Variants in DLGAP1 observed in about 807,000 individuals in gnomAD.
DLGAP1 encodes DLG associated protein 1, also known as disks large-associated protein 1.
In DLGAP1, 11 loss-of-function variants were observed where a neutral mutation model predicts 90.8. The observed-to-expected ratio is 0.12, with a 90% confidence interval of 0.08 to 0.20. The LOEUF (loss-of-function observed/expected upper bound fraction) is 0.20, where lower values mean the gene tolerates loss of function less well. Ranked by LOEUF, DLGAP1 falls within the 10% of genes least tolerant of loss-of-function variation. The pLI is 1.00. For missense variants in DLGAP1, 1,050 were observed against 1,333.8 expected (o/e 0.79, Z 3.31); for synonymous variants, 558 against 540.7 (o/e 1.03, Z -0.44).
intron 2 of DLGAP1, among the ~76,000 whole-genome samples, chr18:4,094,537 AAATT>A (rs2075641326): frequency 6.6e-6 from 1 of 151,414 alleles, no homozygotes; most frequent in Non-Finnish European, 1.5e-5. Context: ...TGCCTTAAAT[AAATT>A]CAGTTTTTAT....
chr18:4,056,162 C>T (rs142428572), intron 2 of DLGAP1, among the ~76,000 whole-genome samples: 26 of 152,158 alleles, frequency 1.7e-4, no homozygotes, highest in Admixed American at 6.5e-4. Context: ...AGGAGAAGGC[C>T]GTGGAGCCTT....
At chr18:3,724,372 C>A (rs1027690777) in intron 7 of DLGAP1, among the ~76,000 whole-genome samples, 1 of 152,032 alleles carries the variant, frequency 6.6e-6, no homozygotes, top group Non-Finnish European at 1.5e-5. Flanking sequence ...GCAAATGAAC[C>A]TATTTACTCT....
chr18:3,936,011 C>T (rs923920745), intron 3 of DLGAP1, among the ~76,000 whole-genome samples: 4 of 152,154 alleles, frequency 2.6e-5, no homozygotes, highest in African/African-American at 4.8e-5. Flanking sequence ...CTTAACCAGC[C>T]CACAATACAG....
intron 2 of DLGAP1, among the ~76,000 whole-genome samples, chr18:4,046,137 A>G (rs769497779): frequency 1.1e-4 from 16 of 152,246 alleles, no homozygotes; most frequent in Non-Finnish European, 2.1e-4. Flanking sequence ...TAACCAGAAC[A>G]GAACTGACCT....
At position 3,502,547 on chromosome 18, in the gene DLGAP1, T is replaced by G. The variant is rs770891517; in HGVS notation, c.2670A>C (p.Glu890Asp). 2.5e-6 allele frequency: 4 copies of G among 1,614,042 alleles called. No individual in the cohort carries two copies. The South Asian group carries it at 4.4e-5, about 18-fold the overall frequency. The change falls in exon 12 of 13, where the codon GAA (glutamate) becomes GAC (aspartate). Residue 890 changes from glutamate (E) to aspartate (D), a missense_variant. Around this residue, in one of 2 missense-constraint regions of DLGAP1, gnomAD observed 565 missense variants for 879.7 expected, o/e 0.64. Transcript: ENST00000315677. Reference protein sequence around the residue: ...SIENISMKFDELHQLKANNWK... With the variant: ...SIENISMKFDDLHQLKANNWK... ...AATTATTGGCCTTTAACTGATGAAG[T>G]TCATCAAATTTCATACTAATATTTT...
intron 3 of DLGAP1, among the ~76,000 whole-genome samples, chr18:3,885,777 T>G (rs2071296057): frequency 6.6e-6 from 1 of 152,252 alleles, no homozygotes; most frequent in Admixed American, 6.5e-5. Flanking sequence ...GGATAATTTG[T>G]TGACTCTGTT....
chr18:3,581,604 C>G (rs1319107248), intron 8 of DLGAP1, among the ~76,000 whole-genome samples: 1 of 151,456 alleles, frequency 6.6e-6, no homozygotes, highest in East Asian at 1.9e-4. Flanking sequence ...AGCCCCTACT[C>G]CTCTTGGCTA....
At chr18:4,191,892 A>G (rs1195971682) in intron 1 of DLGAP1, among the ~76,000 whole-genome samples, 2 of 152,164 alleles carry the variant, frequency 1.3e-5, no homozygotes, top group Non-Finnish European at 2.9e-5. Context: ...CCATGGGTGC[A>G]CACAATGTAT....
At chr18:4,329,828 T>C (rs149883079) in intron 1 of DLGAP1, among the ~76,000 whole-genome samples, 110 of 152,124 alleles carry the variant, frequency 7.2e-4, no homozygotes, top group African/African-American at 2.6e-3. Context: ...GAGATATTGG[T>C]CTTCAGTTTT....
At chr18:4,190,023 T>C (rs2077367745) in intron 1 of DLGAP1, among the ~76,000 whole-genome samples, 2 of 152,112 alleles carry the variant, frequency 1.3e-5, no homozygotes, top group African/African-American at 2.4e-5. Context: ...TGTGATAACA[T>C]ACAGCAATCA....
chr18:3,576,066 T>C (rs2055109684), intron 8 of DLGAP1, among the ~76,000 whole-genome samples: 1 of 152,176 alleles, frequency 6.6e-6, no homozygotes, highest in African/African-American at 2.4e-5. Flanking sequence ...CTCGAGCCCA[T>C]CTTCTACATT....
In DLGAP1 at chr18:4,409,945, G is replaced by GTA. The variant is rs943592137; in HGVS notation, c.-267+45059_-267+45060dup. On this transcript the variant is annotated intron_variant, in intron 1 of 12. Coordinates refer to ENST00000315677, the MANE Select transcript of DLGAP1 (RefSeq NM_004746.4). ...CAACGAGTGGATAAAAAAATCTCTG[G>GTA]TATATATATAGGATGGAATACTACT... 1.2e-4 allele frequency among the ~76,000 whole-genome samples: 18 copies of GTA among 152,020 alleles called. 1 individual carries two copies. Among genetic ancestry groups the GTA allele is most frequent in the African/African-American group, 3.4e-4 (14 of 41,374 alleles).
intron 5 of DLGAP1, among the ~76,000 whole-genome samples, chr18:3,785,808 C>T (rs72861955): frequency 0.1 from 15,574 of 152,136 alleles, 998 homozygotes; most frequent in African/African-American, 0.17. Flanking sequence ...AGAAAAGCTT[C>T]GCCCTATGCC....
chr18:3,588,711 C>T (rs1294105124), intron 7 of DLGAP1, among the ~76,000 whole-genome samples: 6 of 147,222 alleles, frequency 4.1e-5, no homozygotes, highest in African/African-American at 1.5e-4. Flanking sequence ...GCCCGGGAGG[C>T]GGAGGTTGCA....
intron 1 of DLGAP1, among the ~76,000 whole-genome samples, chr18:4,313,286 G>T (rs1001226731): frequency 2.0e-5 from 3 of 152,162 alleles, no homozygotes; most frequent in African/African-American, 7.2e-5. Context: ...AAGTAGATGT[G>T]GGTTGGGTGG....
At chr18:4,322,329 A>G (rs1035732398) in intron 1 of DLGAP1, among the ~76,000 whole-genome samples, 3 of 152,218 alleles carry the variant, frequency 2.0e-5, no homozygotes, top group African/African-American at 7.2e-5. Context: ...GAGGTCAGAA[A>G]TAAACTCACA....
chr18:3,976,216 A>AATAATC (rs916040279), intron 3 of DLGAP1, among the ~76,000 whole-genome samples: 1 of 149,922 alleles, frequency 6.7e-6, no homozygotes, highest in Admixed American at 6.7e-5. Flanking sequence ...TAATAATAAT[A>AATAATC]ATAACGATAA....
At chr18:4,344,398 T>C (rs555314334) in intron 1 of DLGAP1, among the ~76,000 whole-genome samples, 64 of 152,116 alleles carry the variant, frequency 4.2e-4, no homozygotes, top group Non-Finnish European at 4.4e-4. Context: ...TTCAGAAATA[T>C]AACATGCCAG....
chr18:3,693,936 T>A (rs2060990053), intron 7 of DLGAP1, among the ~76,000 whole-genome samples: 1 of 152,088 alleles, frequency 6.6e-6, no homozygotes, highest in Non-Finnish European at 1.5e-5. Flanking sequence ...AACGTGCAGG[T>A]TTGTTACATA....
Sources: gnomAD v4.1 joint callset for allele counts (sites outside exome capture counted in the v4.1 genomes callset) on GRCh38, gnomAD v4.1.1 for gene constraint, gnomAD v4.1.1 regional missense constraint, MANE v1.5 for transcripts, NCBI Gene and HGNC (gene_info 2026-07-23, HGNC 2026-07-21) for gene names.